Variants in GCNT2 observed in about 807,000 individuals in gnomAD.
GCNT2 encodes the protein glucosaminyl (N-acetyl) transferase 2 (I blood group).
GCNT2 carries 34 observed loss-of-function variants against 34.2 expected under a neutral mutation model. The ratio of observed to expected loss-of-function variants is 1.00; its 90% CI spans 0.76 to 1.32. GCNT2 has a LOEUF of 1.32. Among genes scored for constraint, GCNT2 ranks in the 40% most tolerant of loss-of-function variants. GCNT2 has a pLI of 0.00. For missense variants in GCNT2, 584 were observed against 489.4 expected (o/e 1.19, Z -1.82); for synonymous variants, 212 against 188.0 (o/e 1.13, Z -1.04).
At chr6:10,591,628 C>A (rs1488154376) in intron 3 of GCNT2, among the ~76,000 whole-genome samples, 1 of 152,210 alleles carries the variant, frequency 6.6e-6, no homozygotes, top group East Asian at 1.9e-4. Context: ...GCCTTCCTTG[C>A]ACCTGGTGTG....
intron 3 of GCNT2, among the ~76,000 whole-genome samples, chr6:10,571,027 A>G (rs9295586): frequency 0.51 from 78,017 of 152,024 alleles, 20,250 homozygotes; most frequent in East Asian, 0.64. Context: ...TGAATCTAAA[A>G]TAATGACAGC....
intron 3 of GCNT2, chr6:10,586,845 C>T (rs759572150): frequency 1.2e-6 from 2 of 1,613,226 alleles, no homozygotes; most frequent in African/African-American, 1.3e-5. Flanking sequence ...GGCCATTGAT[C>T]TACTACAATG....
intron 3 of GCNT2, chr6:10,556,061 T>G (rs1762685386): frequency 6.1e-6 from 7 of 1,149,552 alleles, no homozygotes; most frequent in Non-Finnish European, 4.3e-6. Flanking sequence ...GCATGGGAAA[T>G]GAAAGAAAGA....
intron 3 of GCNT2, among the ~76,000 whole-genome samples, chr6:10,536,201 T>C (rs1761742416): frequency 6.6e-6 from 1 of 152,124 alleles, no homozygotes. Context: ...GCAGAGGGAA[T>C]TGATATTCCC....
chr6:10,538,437 A>AAAAAATATATATATATAT (rs1554127249), intron 3 of GCNT2, among the ~76,000 whole-genome samples: 5 of 73,340 alleles, frequency 6.8e-5, no homozygotes, highest in African/African-American at 4.8e-4. Flanking sequence ...AAAAAAAAAA[A>AAAAAATATATATATATAT]ATATATATAT....
intron 3 of GCNT2, among the ~76,000 whole-genome samples, chr6:10,613,985 T>C (rs1394365081): frequency 1.3e-5 from 2 of 152,118 alleles, no homozygotes; most frequent in Non-Finnish European, 2.9e-5. Flanking sequence ...ATAGAGAGGC[T>C]TTTAGGGAGT....
chr6:10,610,944 A>G (rs908937981), intron 3 of GCNT2, among the ~76,000 whole-genome samples: 2 of 152,150 alleles, frequency 1.3e-5, no homozygotes, highest in African/African-American at 4.8e-5. Flanking sequence ...TTCCTTTTAA[A>G]CTAAGGAGTG....
Position 10,529,440 on chromosome 6 carries a change from C to T in GCNT2, c.529C>T (p.Leu177Phe), listed in dbSNP as rs1348384546. Reference protein sequence around the residue: ...LQADLNCLEDLVASEVPWKYV... With the variant: ...LQADLNCLEDFVASEVPWKYV... ...GGCTGACCTGAACTGCCTGGAAGAC[C>T]TTGTGGCCTCTGAAGTTCCCTGGAA... Residue 177 changes from leucine to phenylalanine, a missense_variant, in exon 3 of 5, where the codon CTT (leucine) becomes TTT (phenylalanine). Physicochemically the swap from Leu to Phe is conservative, Grantham distance 22 (BLOSUM62 0). Coordinates refer to ENST00000495262, the MANE Select transcript of GCNT2 (RefSeq NM_145649.5). The T allele has an allele frequency of 2.5e-6, 4 of 1,614,136 alleles. No homozygotes were observed. Among genetic ancestry groups the T allele is most frequent in the Non-Finnish European group, 3.4e-6 (4 of 1,180,022 alleles).
At chr6:10,572,486 G>T (rs538959110) in intron 3 of GCNT2, among the ~76,000 whole-genome samples, 3 of 152,234 alleles carry the variant, frequency 2.0e-5, no homozygotes, top group Admixed American at 1.3e-4. Context: ...CACTTTGGGA[G>T]GTCAAGGAGG....
intron 3 of GCNT2, among the ~76,000 whole-genome samples, chr6:10,547,738 C>A (rs1302187414): frequency 1.3e-5 from 2 of 152,122 alleles, no homozygotes; most frequent in Non-Finnish European, 2.9e-5. Context: ...GTTACCAAAT[C>A]ATGAATTTTA....
At chr6:10,591,765 A>T (rs934669591) in intron 3 of GCNT2, among the ~76,000 whole-genome samples, 6 of 152,186 alleles carry the variant, frequency 3.9e-5, no homozygotes, top group African/African-American at 1.4e-4. Flanking sequence ...TTGGCTTAGG[A>T]AAAAAACCAA....
chr6:10,533,580 G>A lies in GCNT2; in HGVS notation c.925+3744G>A, dbSNP rs1410190541. Among the ~76,000 whole-genome samples, 8 of 151,798 alleles carry A rather than the reference G, an allele frequency of 5.3e-5. No individual in the cohort carries two copies. In the East Asian group the frequency reaches 1.6e-3, roughly 30 times the overall value. ...AGGTGGGCGGATCACTTGAGGTCAG[G>A]AGTTTGAGACCAGCCTGGCCAACAT... On this transcript the variant is annotated intron_variant, in intron 3 of 4. Coordinates refer to ENST00000495262, the MANE Select transcript of GCNT2 (RefSeq NM_145649.5).
intron 3 of GCNT2, among the ~76,000 whole-genome samples, chr6:10,587,894 T>C (rs1764427437): frequency 6.6e-6 from 1 of 152,154 alleles, no homozygotes; most frequent in Non-Finnish European, 1.5e-5. Flanking sequence ...ACATACTTCC[T>C]GTCTACACAC....
At chr6:10,558,910 C>T (rs1200428403) in intron 3 of GCNT2, among the ~76,000 whole-genome samples, 1 of 152,200 alleles carries the variant, frequency 6.6e-6, no homozygotes, top group Non-Finnish European at 1.5e-5. Flanking sequence ...CATTGAGGAG[C>T]ATTAGGTACT....
At chr6:10,616,543 C>T (rs191030203) in intron 3 of GCNT2, among the ~76,000 whole-genome samples, 1 of 152,230 alleles carries the variant, frequency 6.6e-6, no homozygotes, top group East Asian at 1.9e-4. Context: ...ACTAGATTAG[C>T]TAGACACAGA....
intron 3 of GCNT2, chr6:10,556,270 C>A: frequency 6.7e-7 from 1 of 1,486,930 alleles, no homozygotes; most frequent in Non-Finnish European, 8.9e-7. Flanking sequence ...AGCAGCTGGA[C>A]TCTCGGGATG....
intron 3 of GCNT2, among the ~76,000 whole-genome samples, chr6:10,575,770 G>A (rs879633566): frequency 2.0e-5 from 3 of 152,258 alleles, no homozygotes; most frequent in Non-Finnish European, 4.4e-5. Context: ...GCCGGTCCTT[G>A]CCTTGAGTGA....
intron 3 of GCNT2, among the ~76,000 whole-genome samples, chr6:10,578,756 A>T (rs1260691814): frequency 6.6e-6 from 1 of 152,110 alleles, no homozygotes; most frequent in Non-Finnish European, 1.5e-5. Flanking sequence ...CGGAGCTTAT[A>T]TTCTTGTGGA....
At chr6:10,533,213 G>A (rs1761582096) in intron 3 of GCNT2, among the ~76,000 whole-genome samples, 1 of 152,046 alleles carries the variant, frequency 6.6e-6, no homozygotes, top group Non-Finnish European at 1.5e-5. Flanking sequence ...GGCTGAAGCA[G>A]GAGAATCACT....
Sources: gnomAD v4.1 joint callset for allele counts (sites outside exome capture counted in the v4.1 genomes callset) on GRCh38, gnomAD v4.1.1 for gene constraint, MANE v1.5 for transcripts, NCBI Gene and HGNC (gene_info 2026-07-23, HGNC 2026-07-21) for gene names.